DGKD: variants seen among roughly 807,000 people sequenced by gnomAD.
DGKD encodes DAG kinase delta.
In DGKD, 68 loss-of-function variants were observed where a neutral mutation model predicts 154.4. The observed-to-expected ratio is 0.44, with a 90% CI of 0.36 to 0.54. The LOEUF is 0.54. Ranked by LOEUF, DGKD falls within the 20% of genes least tolerant of loss-of-function variation. The probability of loss-of-function intolerance (pLI) is 0.00; values close to 1 mark genes in which losing one functional copy is unlikely to be tolerated. For missense variants in DGKD, 1,343 were observed against 1,593.6 expected (o/e 0.84, Z 2.68); for synonymous variants, 693 against 638.0 (o/e 1.09, Z -1.30).
At chr2:233,432,988 G>C (rs2062579895) in intron 3 of DGKD, among the ~76,000 whole-genome samples, 1 of 152,208 alleles carries the variant, frequency 6.6e-6, no homozygotes, top group Non-Finnish European at 1.5e-5. Flanking sequence ...GTACACTGCT[G>C]GTAGGATTGT....
rs774930708 is a variant in DGKD at position 233,449,931 on chromosome 2, G to A, written c.1889-51G>A. 6.6e-5 allele frequency: 100 copies of A among 1,524,608 alleles called. No homozygotes were observed. Among genetic ancestry groups the A allele is most frequent in the Admixed American group, 8.2e-5 (4 of 48,550 alleles). 94.4% of individuals were successfully genotyped at this position (1,524,608 alleles called of 1,614,324 possible). On this transcript the variant is annotated intron_variant, in intron 15 of 29. Coordinates refer to ENST00000264057, the MANE Select transcript of DGKD (RefSeq NM_152879.3). The surrounding 1 kb of genome is among the most constrained non-coding windows in gnomAD (Gnocchi z 5.3). ...GGGGCCCTCCACCCAGCCTGACAGC[G>A]CCCTTGGCTTTGCACCCGCGTGCTC... is the stretch of plus-strand genomic sequence containing the variant.
At chr2:233,447,944 G>C in intron 12 of DGKD, 143 bp from the exon 13 acceptor site, 1 of 1,488,540 alleles carries the variant, frequency 6.7e-7, no homozygotes, top group Non-Finnish European at 8.9e-7. Flanking sequence ...GTTGAGGCTT[G>C]GCTGGGTCAG....
rs201350647 is a variant in DGKD at position 233,438,260 on chromosome 2, G to T, written c.966G>T (p.Leu322=). 2.7e-5 allele frequency: 44 copies of T among 1,614,094 alleles called. No homozygotes were observed. The highest frequency in any genetic ancestry group is 3.5e-5 in the Non-Finnish European group (41 of 1,180,054). The change falls in exon 9 of 30, where the codon CTG becomes CTT. Residue 322 remains leucine (L), a synonymous_variant. Coordinates refer to ENST00000264057, the MANE Select transcript of DGKD (RefSeq NM_152879.3). This position sits in a 1 kb window ranked among gnomAD's most constrained non-coding sequence, Gnocchi z 4.1. ...GTCCTCCTTCTTGCACAAGCCCACT[G>T]TTGGTCTTCGTCAATTCAAAAAGTG... The part of the protein sequence containing the change: ...ASCPPSCTSP[L]LVFVNSKSGD...
At chr2:233,379,464 T>C (rs926656308) in intron 1 of DGKD, among the ~76,000 whole-genome samples, 1 of 152,116 alleles carries the variant, frequency 6.6e-6, no homozygotes, top group Non-Finnish European at 1.5e-5. Flanking sequence ...AAGGAGAGGT[T>C]TGGGAGTGGG....
chr2:233,369,731 GTC>G lies in DGKD; in HGVS notation c.156+15061_156+15062del, dbSNP rs1355181135. Among the ~76,000 whole-genome samples the G allele has an allele frequency of 7.9e-5, 12 of 152,324 alleles. No homozygotes were observed. In the East Asian group the frequency reaches 2.3e-3, roughly 29 times the overall value. On this transcript the variant is annotated intron_variant, in intron 1 of 29. Transcript: ENST00000264057. ...GTGATCGGCCACGGGCCCAGGCTGT[GTC>G]TCTGCTGCTCTGGGCGGGCTCTCCC... is the stretch of plus-strand genomic sequence containing the variant.
At chr2:233,359,235 G>A (rs377002641) in intron 1 of DGKD, among the ~76,000 whole-genome samples, 14 of 152,208 alleles carry the variant, frequency 9.2e-5, no homozygotes, top group Non-Finnish European at 1.9e-4. Context: ...CCCTTAAGAC[G>A]TGGTTTCCTC....
Position 233,441,743 on chromosome 2 carries a change from C to T in DGKD, c.1086-144C>T. 1.5e-6 allele frequency: 1 copy of T among 684,158 alleles called. No individual in the cohort carries two copies. The highest frequency in any genetic ancestry group is 2.5e-6 in the Non-Finnish European group (1 of 402,490). 42.4% of individuals were successfully genotyped at this position (684,158 alleles called of 1,614,324 possible). A position where few individuals can be genotyped will look rare whatever the true frequency, so the allele number is the denominator to read the frequency against. On this transcript the variant is annotated intron_variant, in intron 9 of 29. Coordinates refer to ENST00000264057, the MANE Select transcript of DGKD (RefSeq NM_152879.3). This position sits in a 1 kb window ranked among gnomAD's most constrained non-coding sequence, Gnocchi z 5.6. ...GACCCTGAGTGGAGGCGGCTGGTGT[C>T]ACGTGGCAGGGCCTGTGCGTGCTCT...
At position 233,424,858 on chromosome 2, in the gene DGKD, A is replaced by G. The variant is rs59937078; in HGVS notation, c.349-9522A>G. The stretch of plus-strand genomic sequence containing the variant: ...TATTAGCCAAACTGTCCCTTGTTCT[A>G]TCAGCTGCCATGTGTGTGTAAGCCA... On this transcript the variant is annotated intron_variant, in intron 3 of 29. Coordinates refer to ENST00000264057, the MANE Select transcript of DGKD (RefSeq NM_152879.3). Among the ~76,000 whole-genome samples the G allele has an allele frequency of 7.6e-3, 1,152 of 152,244 alleles. 11 individuals carry two copies. The highest frequency in any genetic ancestry group is 0.026 in the African/African-American group (1,077 of 41,540).
chr2:233,417,413 T>C (rs573820033), intron 3 of DGKD, among the ~76,000 whole-genome samples: 1 of 152,316 alleles, frequency 6.6e-6, no homozygotes, highest in East Asian at 1.9e-4. Context: ...TTAAAAACAT[T>C]TAATATTGCT....
intron 3 of DGKD, 29 bp downstream of exon 3, chr2:233,390,512 A>G (rs745916756): frequency 6.4e-7 from 1 of 1,568,886 alleles, no homozygotes; most frequent in Admixed American, 1.7e-5. Context: ...GCCTTTCTTG[A>G]TTCTTCACTG....
chr2:233,450,556 C>T (rs1214385454), intron 16 of DGKD, among the ~76,000 whole-genome samples: 7 of 152,152 alleles, frequency 4.6e-5, no homozygotes, highest in African/African-American at 1.7e-4. Context: ...TGGAGGGCAC[C>T]CCCAGCCTGT....
intron 3 of DGKD, among the ~76,000 whole-genome samples, chr2:233,405,276 T>C (rs1322157694): frequency 6.6e-6 from 1 of 152,156 alleles, no homozygotes; most frequent in African/African-American, 2.4e-5. Flanking sequence ...CCCAGCACTT[T>C]GGGAGGCCAA....
chr2:233,456,993 G>C lies in DGKD; in HGVS notation c.2470G>C (p.Glu824Gln). 1 of 1,613,418 alleles carries C rather than the reference G, an allele frequency of 6.2e-7. No individual in the cohort carries two copies. Among genetic ancestry groups the C allele is most frequent in the Non-Finnish European group, 8.5e-7 (1 of 1,179,350 alleles). The part of the protein sequence containing the change: ...YKNLEQKVLL[E>Q]CDGRPIPLPS... ...GAACCTGGAGCAAAAGGTCTTGCTG[G>C]AGGTGAGTGGGAGGGTCCTTGTCAC... is the stretch of plus-strand genomic sequence containing the variant. Residue 824 changes from glutamate to glutamine, a missense_variant and splice_region_variant, in exon 20 of 30, where the codon GAG (glutamate) becomes CAG (glutamine). Transcript: ENST00000264057.
At chr2:233,370,015 G>T (rs1269098151) in intron 1 of DGKD, among the ~76,000 whole-genome samples, 1 of 152,052 alleles carries the variant, frequency 6.6e-6, no homozygotes, top group East Asian at 1.9e-4. Context: ...CCATTTTAAA[G>T]TGCACAGTTA....
chr2:233,401,919 CAAAAAAAAAA>C (rs34388122), intron 3 of DGKD, among the ~76,000 whole-genome samples: 1 of 54,806 alleles, frequency 1.8e-5, no homozygotes, highest in Non-Finnish European at 3.1e-5. Flanking sequence ...GACTCTGTCT[CAAAAAAAAAA>C]AAAAAAAAAA....
At chr2:233,411,270 GT>G in intron 3 of DGKD, among the ~76,000 whole-genome samples, 1 of 152,308 alleles carries the variant, frequency 6.6e-6, no homozygotes, top group East Asian at 1.9e-4. Flanking sequence ...CTGCTAAACT[GT>G]TTTCTGAAGT....
At chr2:233,429,442 C>T (rs1281105764) in intron 3 of DGKD, 8 of 567,190 alleles carry the variant, frequency 1.4e-5, no homozygotes, top group Admixed American at 6.3e-5. Context: ...TGCACCCACT[C>T]GGCCTTGGCA....
intron 26 of DGKD, chr2:233,463,780 C>T (rs2124952090): frequency 3.8e-6 from 1 of 266,084 alleles, no homozygotes; most frequent in South Asian, 5.0e-5. Flanking sequence ...CGTGGTCACA[C>T]GCGTGTCCTC....
chr2:233,419,263 G>A, intron 3 of DGKD: 2 of 985,770 alleles, frequency 2.0e-6, no homozygotes, highest in Non-Finnish European at 2.4e-6. Context: ...GTGGCTGATT[G>A]CACGGTACTG....
Sources: allele counts gnomAD v4.1 joint callset (sites outside exome capture counted in the v4.1 genomes callset), GRCh38; gene constraint gnomAD v4.1.1; non-coding constraint Gnocchi (gnomAD v3.1); transcripts MANE v1.5; gene names NCBI Gene and HGNC (gene_info 2026-07-23, HGNC 2026-07-21).